The following MT4 variants were observed in gnomAD, a reference collection of about 807,000 sequenced individuals.
The protein encoded by MT4 is metallothionein 4.
A neutral mutation model predicts 9.5 loss-of-function variants in MT4; 11 were observed. The ratio of observed to expected loss-of-function variants is 1.16; its 90% confidence interval spans 0.73 to 1.92. MT4 has a LOEUF of 1.92. MT4 is among the 30% of genes most tolerant of loss of function. MT4 has a pLI of 0.00. For synonymous variants in MT4, 29 were observed against 24.6 expected (o/e 1.18, Z -0.53); for missense variants, 88 against 78.7 (o/e 1.12, Z -0.45).
At chr16:56,568,228 A>AG (rs1959568200) in intron 2 of MT4, among the ~76,000 whole-genome samples, 12 of 28,308 alleles carry the variant, frequency 4.2e-4, no homozygotes, top group East Asian at 1.6e-3. Flanking sequence ...AGAAAGAAAG[A>AG]AAGAAAGAAA....
intron 1 of MT4, 111 bp from the exon 2 acceptor site, chr16:56,567,640 C>T: frequency 1.0e-6 from 1 of 966,116 alleles, no homozygotes; most frequent in East Asian, 2.5e-5. Flanking sequence ...TCCAGCCAGT[C>T]CCCAAGGATA....
At chr16:56,568,156 A>C (rs1959560794) in intron 2 of MT4, among the ~76,000 whole-genome samples, 1 of 149,700 alleles carries the variant, frequency 6.7e-6, no homozygotes, top group South Asian at 2.2e-4. Flanking sequence ...TCAGTCAAAA[A>C]AGAAAAGGAA....
intron 2 of MT4, among the ~76,000 whole-genome samples, chr16:56,568,261 GAGAGAGAGAGAGAA>G (rs1959573732): frequency 3.0e-5 from 2 of 66,766 alleles, no homozygotes; most frequent in African/African-American, 1.4e-4. Flanking sequence ...GAAAGAAAGA[GAGAGAGAGAGAGAA>G]AGAAAGAAAG....
intron 2 of MT4, among the ~76,000 whole-genome samples, chr16:56,568,313 G>T (rs1020477044): frequency 6.1e-5 from 9 of 146,884 alleles, no homozygotes; most frequent in Non-Finnish European, 1.4e-4. Context: ...AAGAAAGAAA[G>T]AAAGAAAGAA....
intron 1 of MT4, among the ~76,000 whole-genome samples, chr16:56,566,694 A>G (rs1959522789): frequency 8.3e-6 from 1 of 120,382 alleles, no homozygotes; most frequent in African/African-American, 3.0e-5. Context: ...AAAAGAAAGA[A>G]AGAAAGAGAA....
intron 1 of MT4, 104 bp from the exon 2 acceptor site, chr16:56,567,647 G>T: frequency 9.5e-7 from 1 of 1,054,168 alleles, no homozygotes. Flanking sequence ...AGTCCCCAAG[G>T]ATATAGCCCA....
At chr16:56,565,180 T>A in intron 1 of MT4, 21 bp downstream of exon 1, 1 of 1,607,728 alleles carries the variant, frequency 6.2e-7, no homozygotes, top group Non-Finnish European at 8.5e-7. Context: ...AAGCCCTCCC[T>A]GGGGTCTGGG....
intron 2 of MT4, 76 bp from the exon 3 acceptor site, chr16:56,568,765 C>T (rs1365843256): frequency 7.9e-5 from 81 of 1,026,706 alleles, no homozygotes; most frequent in Middle Eastern, 2.2e-4. Context: ...CCTACTTCCT[C>T]TAAGTAGTGG....
intron 2 of MT4, 124 bp from the exon 3 acceptor site, chr16:56,568,717 T>C: frequency 3.3e-6 from 2 of 606,608 alleles, no homozygotes; most frequent in Non-Finnish European, 5.6e-6. Context: ...GCATTTTTGC[T>C]AATGTGGATT....
chr16:56,568,834 C>A lies in MT4; in HGVS notation c.98-7C>A. The A allele has an allele frequency of 6.3e-7, 1 of 1,584,970 alleles. No homozygotes were observed. The highest frequency in any genetic ancestry group is 1.8e-5 in the Admixed American group (1 of 56,248). ...CAGCGGATCTGCGCATCTCCTGACT[C>A]TTTCAGGCTGCTGTCCCTGCTGCCC... On this transcript the variant is annotated splice_polypyrimidine_tract_variant and splice_region_variant and intron_variant, in intron 2 of 2. Transcript: ENST00000219162.
chr16:56,566,700 GAGAA>G (rs779895274), intron 1 of MT4, among the ~76,000 whole-genome samples: 812 of 73,416 alleles, frequency 0.011, 26 homozygotes, highest in East Asian at 0.014. Context: ...AAGAAAGAAA[GAGAA>G]AGAAAGAAAG....
intron 2 of MT4, among the ~76,000 whole-genome samples, chr16:56,568,284 A>G (rs1284412282): frequency 7.5e-6 from 1 of 132,866 alleles, no homozygotes; most frequent in East Asian, 2.1e-4. Flanking sequence ...AAAGAAAGAA[A>G]GAAAGAAAGA....
rs1452884995 is a variant in MT4 at position 56,565,084 on chromosome 16, C to T, written c.-45C>T. 6.2e-7 allele frequency: 1 copy of T among 1,611,906 alleles called. No individual in the cohort carries two copies. Among genetic ancestry groups the T allele is most frequent in the Non-Finnish European group, 8.5e-7 (1 of 1,178,838 alleles). On this transcript the variant is annotated 5_prime_UTR_variant, in exon 1 of 3. Coordinates refer to ENST00000219162, the MANE Select transcript of MT4 (RefSeq NM_032935.3). ...TCTGGCTGCTGCTCACTCAGCCTCC[C>T]TTCCCCAGCCGTGACAGCACTGGAG...
intron 1 of MT4, among the ~76,000 whole-genome samples, chr16:56,567,289 G>T (rs2144259953): frequency 6.6e-6 from 1 of 152,140 alleles, no homozygotes; most frequent in African/African-American, 2.4e-5. Flanking sequence ...CTCCCAAAGT[G>T]CTGGGATTAC....
At chr16:56,568,309 G>GAACA (rs1470384892) in intron 2 of MT4, among the ~76,000 whole-genome samples, 6 of 145,810 alleles carry the variant, frequency 4.1e-5, no homozygotes, top group African/African-American at 1.6e-4. Context: ...AAGAAAGAAA[G>GAACA]AAAGAAAGAA....
intron 1 of MT4, among the ~76,000 whole-genome samples, chr16:56,566,683 GAAAAGAAAGAAAGAAAGA>G: frequency 7.9e-6 from 1 of 126,848 alleles, no homozygotes; most frequent in Non-Finnish European, 1.7e-5. Context: ...AAGAGAAAAA[GAAAAGAAAGAAAGAAAGA>G]GAAAGAAAGA....
chr16:56,567,839 C>A (rs370043369), intron 2 of MT4, 23 bp downstream of exon 2: 6 of 1,601,832 alleles, frequency 3.7e-6, no homozygotes, highest in Non-Finnish European at 5.1e-6. Context: ...ACTGGGGGCA[C>A]CATGGGCTGG....
chr16:56,568,799 T>C (rs368183508), intron 2 of MT4, 42 bp from the exon 3 acceptor site: 3 of 1,388,364 alleles, frequency 2.2e-6, no homozygotes, highest in Admixed American at 2.0e-5. Flanking sequence ...GAGATGGAAG[T>C]GTTGACCCAC....
chr16:56,568,286 A>AAAGAAAG (rs1375080172), intron 2 of MT4, among the ~76,000 whole-genome samples: 2 of 135,614 alleles, frequency 1.5e-5, no homozygotes, highest in African/African-American at 6.2e-5. Context: ...AGAAAGAAAG[A>AAAGAAAG]AAGAAAGAAA....
Sources: allele counts gnomAD v4.1 joint callset (sites outside exome capture counted in the v4.1 genomes callset), GRCh38; gene constraint gnomAD v4.1.1; transcripts MANE v1.5; gene names NCBI Gene and HGNC (gene_info 2026-07-23, HGNC 2026-07-21).